PATL1: variants seen among roughly 807,000 people sequenced by gnomAD.
PATL1 encodes the protein protein PAT1 homolog 1.
PATL1 carries 32 observed loss-of-function variants against 100.6 expected under a neutral mutation model. The observed-to-expected ratio is 0.32, with a 90% confidence interval of 0.24 to 0.43. The LOEUF (loss-of-function observed/expected upper bound fraction) is 0.43, where lower values mean the gene tolerates loss of function less well. Ranked by LOEUF, PATL1 falls within the 20% of genes least tolerant of loss-of-function variation. The pLI is 1.00. For synonymous variants in PATL1, 332 were observed against 330.0 expected (o/e 1.01, Z -0.07); for missense variants, 747 against 949.9 (o/e 0.79, Z 2.81).
intron 16 of PATL1, among the ~76,000 whole-genome samples, chr11:59,641,260 G>A (rs527585460): frequency 6.6e-6 from 1 of 152,044 alleles, no homozygotes; most frequent in Admixed American, 6.5e-5. Flanking sequence ...AGTTGAGGCT[G>A]CAATGAGCTG....
At chr11:59,659,654 C>T (rs1316430695) in intron 2 of PATL1, among the ~76,000 whole-genome samples, 185 bp from the exon 3 acceptor site, 1 of 152,060 alleles carries the variant, frequency 6.6e-6, no homozygotes, top group Non-Finnish European at 1.5e-5. Flanking sequence ...CGTCAGCCTC[C>T]CAAGTAGCTG....
chr11:59,647,369 G>C (rs1861379870), intron 15 of PATL1, among the ~76,000 whole-genome samples: 1 of 152,028 alleles, frequency 6.6e-6, no homozygotes, highest in Non-Finnish European at 1.5e-5. Flanking sequence ...AAGACTATAA[G>C]TTTTCAAACT....
At chr11:59,641,578 C>A (rs1861280033) in intron 16 of PATL1, among the ~76,000 whole-genome samples, 1 of 151,940 alleles carries the variant, frequency 6.6e-6, no homozygotes, top group African/African-American at 2.4e-5. Context: ...CATGGCGAAA[C>A]CCCACCTCTA....
chr11:59,654,083 C>A lies in PATL1; in HGVS notation c.1032-11G>T. 6.2e-7 allele frequency: 1 copy of A among 1,606,376 alleles called. No homozygotes were observed. The highest frequency in any genetic ancestry group is 8.5e-7 in the Non-Finnish European group (1 of 1,173,170). ...ATTGGGGCCTGAGATCTAAGAAAAACGGAAAAGAGGTTCTCAGTTTGGTCA... is the reference window on the plus strand; with the variant it reads ...ATTGGGGCCTGAGATCTAAGAAAAAAGGAAAAGAGGTTCTCAGTTTGGTCA... On this transcript the variant is annotated splice_polypyrimidine_tract_variant and intron_variant, in intron 8 of 18. Transcript: ENST00000300146.
At chr11:59,666,612 A>C (rs1052924658) in intron 2 of PATL1, among the ~76,000 whole-genome samples, 2 of 152,242 alleles carry the variant, frequency 1.3e-5, no homozygotes, top group Non-Finnish European at 2.9e-5. Flanking sequence ...TCGATCATAT[A>C]GCTGGAAGGG....
chr11:59,666,932 T>C lies in PATL1; in HGVS notation c.48A>G (p.Glu16=), dbSNP rs985646431. 46 of 1,550,390 alleles carry C rather than the reference T, an allele frequency of 3.0e-5. No homozygotes were observed. Among genetic ancestry groups the C allele is most frequent in the Non-Finnish European group, 3.9e-5 (45 of 1,146,466 alleles). Residue 16 remains glutamate (E), a synonymous_variant, in exon 2 of 19, where the codon GAA becomes GAG. Transcript: ENST00000300146. ...CTTCTCCCAGTCCCTGAAATGCATC[T>C]TCATCTTCATCCAGAGGACAATCCT... The part of the protein sequence containing the change: ...SLEDCPLDED[E]DAFQGLGEED...
intron 4 of PATL1, 86 bp from the exon 5 acceptor site, chr11:59,657,810 GA>G: frequency 9.7e-7 from 1 of 1,032,516 alleles, no homozygotes. Flanking sequence ...AATACCTTAA[GA>G]AATTTTTTTA....
intron 2 of PATL1, among the ~76,000 whole-genome samples, chr11:59,663,213 G>C (rs1488737380): frequency 6.6e-6 from 1 of 151,874 alleles, no homozygotes; most frequent in Admixed American, 6.5e-5. Flanking sequence ...CCGTAATAAC[G>C]AACTAACCTA....
At chr11:59,668,665 C>T (rs1426573753) in intron 1 of PATL1, among the ~76,000 whole-genome samples, 1 of 152,108 alleles carries the variant, frequency 6.6e-6, no homozygotes. Flanking sequence ...GCCAACTTTC[C>T]CCAGCGGCAA....
chr11:59,646,360 A>G (rs1315010010), intron 15 of PATL1, among the ~76,000 whole-genome samples: 3 of 90,908 alleles, frequency 3.3e-5, no homozygotes, highest in East Asian at 2.9e-4. Context: ...TTTTTTCTCT[A>G]TTTTTAGTAG....
At chr11:59,665,684 G>C (rs1861676436) in intron 2 of PATL1, among the ~76,000 whole-genome samples, 1 of 152,132 alleles carries the variant, frequency 6.6e-6, no homozygotes. Flanking sequence ...TACTTGGGAG[G>C]CTGAGACAGG....
rs1486573019 is a variant in PATL1 at position 59,669,020 on chromosome 11, G to C, written c.-125C>G. 2 of 246,518 alleles carry C rather than the reference G, an allele frequency of 8.1e-6. No homozygotes were observed. The highest frequency in any genetic ancestry group is 7.9e-6 in the Non-Finnish European group (1 of 126,070). The allele number at this position is 246,518 out of a possible 1,614,324, so 15.3% of individuals were successfully genotyped here. On this transcript the variant is annotated 5_prime_UTR_variant, in exon 1 of 19. Transcript: ENST00000300146. ...CGACCCCTGGCCGCCGCCGTACGCC[G>C]GAGCGTGCGTGGGGACGTGCGCAGG...
Position 59,652,872 on chromosome 11 carries a change from C to T in PATL1, c.1268G>A (p.Ser423Asn), listed in dbSNP as rs1272986131. The T allele has an allele frequency of 3.1e-6, 5 of 1,613,884 alleles. No individual in the cohort carries two copies. The highest frequency in any genetic ancestry group is 4.2e-6 in the Non-Finnish European group (5 of 1,179,876). Residue 423 changes from serine (S) to asparagine (N), a missense_variant, in exon 10 of 19, where the codon AGC becomes AAC. Ser to Asn is a conservative substitution (Grantham distance 46, BLOSUM62 1). Transcript: ENST00000300146. ...AAAATCATCCAGGTAGGGATCAGTG[C>T]TTTGCAGTTGCATCATCTGGATTTT... ...VSKIQMMQLQSTDPYLDDFYY... is the reference protein window; with the variant it reads ...VSKIQMMQLQNTDPYLDDFYY...
chr11:59,652,856 C>G lies in PATL1; in HGVS notation c.1284G>C (p.Leu428=). 6.2e-7 allele frequency: 1 copy of G among 1,613,544 alleles called. No homozygotes were observed. The highest frequency in any genetic ancestry group is 8.5e-7 in the Non-Finnish European group (1 of 1,179,828). Residue 428 remains leucine (L), a synonymous_variant, in exon 10 of 19, where the codon CTG becomes CTC. Transcript: ENST00000300146. The stretch of plus-strand genomic sequence containing the variant: ...TATTTACCTGGTAATAAAAATCATC[C>G]AGGTAGGGATCAGTGCTTTGCAGTT... ...MMQLQSTDPY[L]DDFYYQNYFE...
intron 14 of PATL1, among the ~76,000 whole-genome samples, chr11:59,649,204 G>C (rs1230858598): frequency 6.6e-6 from 1 of 152,160 alleles, no homozygotes; most frequent in Non-Finnish European, 1.5e-5. Flanking sequence ...TATATCTCTA[G>C]TGCCTAGCAC....
At chr11:59,656,697 A>G in intron 5 of PATL1, 97 bp from the exon 6 acceptor site, 7 of 1,052,062 alleles carry the variant, frequency 6.7e-6, no homozygotes, top group Non-Finnish European at 9.9e-6. Context: ...ACACGAACTC[A>G]ATGCAAAGCC....
intron 7 of PATL1, 42 bp from the exon 8 acceptor site, chr11:59,655,782 G>C: frequency 6.6e-7 from 1 of 1,517,824 alleles, no homozygotes; most frequent in East Asian, 2.4e-5. Context: ...CAATCAGCAA[G>C]TCCCCTTGCT....
intron 11 of PATL1, among the ~76,000 whole-genome samples, chr11:59,652,177 T>C (rs1861457474): frequency 7.0e-6 from 1 of 143,348 alleles, no homozygotes; most frequent in African/African-American, 2.6e-5. Context: ...ACAATAAAAA[T>C]CTGAAGTATT....
rs897577437 is a variant in PATL1 at position 59,667,157 on chromosome 11, A to T, written c.16-193T>A. ...TTTCATCATCTTTCTTTCACTTTCTATTTCCTAATCCTTATTTCATTTAAT... is the reference window on the plus strand; with the variant it reads ...TTTCATCATCTTTCTTTCACTTTCTTTTTCCTAATCCTTATTTCATTTAAT... On this transcript the variant is annotated intron_variant, in intron 1 of 18. Coordinates refer to ENST00000300146, the MANE Select transcript of PATL1 (RefSeq NM_152716.3). The T allele has an allele frequency of 5.9e-6, 5 of 840,338 alleles. 1 individual carries two copies. The East Asian group carries it at 6.2e-4, about 104-fold the overall frequency. 52.1% of individuals were successfully genotyped at this position (840,338 alleles called of 1,614,324 possible). A position where few individuals can be genotyped will look rare whatever the true frequency, so the allele number is the denominator to read the frequency against.
Sources: allele counts gnomAD v4.1 joint callset (sites outside exome capture counted in the v4.1 genomes callset), GRCh38; gene constraint gnomAD v4.1.1; transcripts MANE v1.5; gene names NCBI Gene and HGNC (gene_info 2026-07-23, HGNC 2026-07-21).